Variants in CSMD3 observed in about 807,000 individuals in gnomAD.
CSMD3 encodes the protein CUB and sushi domain-containing protein 3.
CSMD3 carries 177 observed loss-of-function variants against 435.2 expected under a neutral mutation model. The ratio of observed to expected loss-of-function variants is 0.41; its 90% confidence interval spans 0.36 to 0.46. CSMD3 has a LOEUF of 0.46. CSMD3 is among the 20% of genes least tolerant of loss of function. The pLI, the probability that CSMD3 is intolerant of heterozygous loss-of-function variation, is 0.34. For synonymous variants in CSMD3, 1,656 were observed against 1,520.5 expected (o/e 1.09, Z -2.07); for missense variants, 4,265 against 4,504.6 (o/e 0.95, Z 1.52).
chr8:112,933,653 T>G (rs2130722940), intron 9 of CSMD3, among the ~76,000 whole-genome samples: 1 of 152,308 alleles, frequency 6.6e-6, no homozygotes, highest in African/African-American at 2.4e-5. Context: ...ACCTTAAAGT[T>G]ACTATTTATA....
At chr8:113,406,591 C>T (rs926600610) in intron 1 of CSMD3, among the ~76,000 whole-genome samples, 1 of 151,932 alleles carries the variant, frequency 6.6e-6, no homozygotes, top group Non-Finnish European at 1.5e-5. Context: ...CTAGTTATTT[C>T]ATATGTGTGT....
At chr8:112,952,169 T>G (rs1455849517) in intron 8 of CSMD3, among the ~76,000 whole-genome samples, 1 of 151,358 alleles carries the variant, frequency 6.6e-6, no homozygotes, top group African/African-American at 2.4e-5. Flanking sequence ...AAAAAAAATC[T>G]GAATGAGCCT....
rs545338903 is a variant in CSMD3, at chr8:112,243,574, T to C, written c.10402+820A>G. ...GTAATGGATTTGGAGATGGGATCCATTCAAAATTGTGGCAAATAGAATCCC... is the reference window on the plus strand; with the variant it reads ...GTAATGGATTTGGAGATGGGATCCACTCAAAATTGTGGCAAATAGAATCCC... On this transcript the variant is annotated intron_variant, in intron 65 of 70. Transcript: ENST00000297405. Among the ~76,000 whole-genome samples the C allele has an allele frequency of 5.9e-5, 9 of 152,150 alleles. 1 individual carries two copies. Among genetic ancestry groups the C allele is most frequent in the East Asian group, 1.9e-4 (1 of 5,162 alleles).
intron 1 of CSMD3, among the ~76,000 whole-genome samples, chr8:113,344,168 T>A (rs983682934): frequency 2.0e-5 from 3 of 152,168 alleles, no homozygotes; most frequent in Non-Finnish European, 4.4e-5. Flanking sequence ...AATTTTTTTT[T>A]ACTCTTGAAA....
At chr8:112,373,680 C>A (rs1323385863) in intron 38 of CSMD3, among the ~76,000 whole-genome samples, 2 of 152,056 alleles carry the variant, frequency 1.3e-5, no homozygotes, top group African/African-American at 4.8e-5. Flanking sequence ...TGAACAGATT[C>A]TTGAATTGTC....
chr8:112,301,769 C>T (rs766102946), intron 53 of CSMD3, 24 bp downstream of exon 53: 2 of 1,604,600 alleles, frequency 1.2e-6, no homozygotes, highest in Admixed American at 1.7e-5. Context: ...GGAAGTTTGA[C>T]AAAAACAAAT....
intron 4 of CSMD3, among the ~76,000 whole-genome samples, chr8:113,166,275 C>A (rs1230453350): frequency 6.6e-6 from 1 of 151,968 alleles, no homozygotes; most frequent in African/African-American, 2.4e-5. Context: ...GAGGTCGAGG[C>A]AAATGGATCA....
chr8:112,666,080 T>A (rs2075516907), intron 17 of CSMD3, among the ~76,000 whole-genome samples, 197 bp downstream of exon 17: 1 of 152,122 alleles, frequency 6.6e-6, no homozygotes, highest in African/African-American at 2.4e-5. Context: ...ATAGTACTGA[T>A]ACAGCATTAC....
intron 1 of CSMD3, among the ~76,000 whole-genome samples, chr8:113,327,125 A>G (rs985185731): frequency 2.0e-4 from 31 of 152,174 alleles, no homozygotes; most frequent in African/African-American, 7.0e-4. Context: ...AGTATTTCAA[A>G]TTAGAGAGTA....
intron 1 of CSMD3, among the ~76,000 whole-genome samples, chr8:113,328,072 CACACAGACACACACAGACACACACAG>C (rs1410548063): frequency 6.6e-6 from 1 of 151,020 alleles, no homozygotes; most frequent in Non-Finnish European, 1.5e-5. Context: ...CCCAAACACA[CACACAGACACACACAGACACACACAG>C]ACACACACAC....
chr8:112,682,464 A>T lies in CSMD3; in HGVS notation c.2655T>A (p.Ser885Arg), dbSNP rs1294178039. ...TACCTCCACATTTTGGAATCAGTCCACTCCACATTACTTTTCCATCCATAA... is the reference window on the plus strand; with the variant it reads ...TACCTCCACATTTTGGAATCAGTCCTCTCCACATTACTTTTCCATCCATAA... ...CILMDGKVMW[S>R]GLIPKCGAPC... Residue 885 changes from serine (S) to arginine (R), a missense_variant, in exon 16 of 71, where the codon AGT (serine) becomes AGA (arginine). Ser to Arg is a moderately radical substitution (Grantham distance 110, BLOSUM62 -1). Around this residue, in one of 3 missense-constraint regions of CSMD3, gnomAD observed 279 missense variants for 369.0 expected, o/e 0.76. Transcript: ENST00000297405. 6.2e-7 allele frequency: 1 copy of T among 1,611,930 alleles called. No individual in the cohort carries two copies. The highest frequency in any genetic ancestry group is 1.3e-5 in the African/African-American group (1 of 74,798).
chr8:112,304,838 A>G lies in CSMD3; in HGVS notation c.8149T>C (p.Tyr2717His). 6.2e-7 allele frequency: 1 copy of G among 1,613,904 alleles called. No homozygotes were observed. Among genetic ancestry groups the G allele is most frequent in the Non-Finnish European group, 8.5e-7 (1 of 1,179,872 alleles). ...CAGCTGAAAACTACTTTGGTTTTGT[A>G]TTCATAATGGGAGCCATTCACAATT... Reference protein sequence around the residue: ...WRIVNGSHYEYKTKVVFSCDP... With the variant: ...WRIVNGSHYEHKTKVVFSCDP... The change falls in exon 52 of 71, where the codon TAC becomes CAC. Residue 2717 changes from tyrosine to histidine, a missense_variant. Tyr to His is a moderately conservative substitution (Grantham distance 83). Coordinates refer to ENST00000297405, the MANE Select transcript of CSMD3 (RefSeq NM_198123.2).
chr8:112,852,063 T>A (rs2129738959), intron 11 of CSMD3, among the ~76,000 whole-genome samples: 1 of 152,076 alleles, frequency 6.6e-6, no homozygotes, highest in South Asian at 2.1e-4. Context: ...TTGGTGGGTT[T>A]CAAAGCTCCA....
At chr8:112,502,403 C>G (rs1003496222) in intron 30 of CSMD3, among the ~76,000 whole-genome samples, 2 of 152,192 alleles carry the variant, frequency 1.3e-5, no homozygotes, top group Non-Finnish European at 2.9e-5. Context: ...ACGGAGGGAT[C>G]AAGCTTTCCA....
intron 10 of CSMD3, among the ~76,000 whole-genome samples, chr8:112,876,587 G>A (rs1007115905): frequency 2.6e-5 from 4 of 152,064 alleles, no homozygotes; most frequent in Non-Finnish European, 5.9e-5. Context: ...AAAACCACAT[G>A]ATTATCTCAA....
rs1050511229 is a variant in CSMD3, at chr8:112,287,753, C to T, written c.9149-507G>A. 6.6e-5 allele frequency among the ~76,000 whole-genome samples: 10 copies of T among 152,062 alleles called. 1 individual carries two copies. Among genetic ancestry groups the T allele is most frequent in the Admixed American group, 6.6e-4 (10 of 15,220 alleles). ...GTTCTGATAGCCTAGGTTTCTCTCTCTTATTTTCTCTACCAATGACCAATG... is the reference window on the plus strand; with the variant it reads ...GTTCTGATAGCCTAGGTTTCTCTCTTTTATTTTCTCTACCAATGACCAATG... On this transcript the variant is annotated intron_variant, in intron 57 of 70. Transcript: ENST00000297405.
intron 27 of CSMD3, among the ~76,000 whole-genome samples, chr8:112,519,196 C>T (rs1446491255): frequency 6.6e-6 from 1 of 152,138 alleles, no homozygotes; most frequent in Non-Finnish European, 1.5e-5. Flanking sequence ...TAATAAAACA[C>T]ATCTTTGTTT....
chr8:112,905,926 C>T (rs917303881), intron 10 of CSMD3, among the ~76,000 whole-genome samples: 12 of 151,358 alleles, frequency 7.9e-5, no homozygotes, highest in African/African-American at 2.7e-4. Context: ...TGGCGCGAGT[C>T]TTTGGGAGGT....
At chr8:112,496,472 A>G (rs1371273864) in intron 30 of CSMD3, among the ~76,000 whole-genome samples, 1 of 152,190 alleles carries the variant, frequency 6.6e-6, no homozygotes, top group African/African-American at 2.4e-5. Flanking sequence ...TCCAAAAGAA[A>G]GAAATCAGTA....
Sources: allele counts gnomAD v4.1 joint callset (sites outside exome capture counted in the v4.1 genomes callset), GRCh38; gene constraint gnomAD v4.1.1; regional missense constraint gnomAD v4.1.1; transcripts MANE v1.5; gene names NCBI Gene and HGNC (gene_info 2026-07-23, HGNC 2026-07-21).